The following NBEA variants were observed in gnomAD, a reference collection of about 807,000 sequenced individuals.
NBEA encodes neurobeachin.
Under a neutral mutation model 343.4 loss-of-function variants are expected in NBEA, and 44 were observed. The ratio of observed to expected loss-of-function variants is 0.13; its 90% CI spans 0.10 to 0.16. The LOEUF (loss-of-function observed/expected upper bound fraction) is 0.16. NBEA is among the 10% of genes least tolerant of loss of function. NBEA has a pLI of 1.00. For synonymous variants in NBEA, 1,175 were observed against 1,238.7 expected, an observed-to-expected ratio of 0.95 and a Z score of 1.08; for missense variants, 2,555 against 3,631.3, an observed-to-expected ratio of 0.70 and a Z score of 7.62.
At chr13:35,163,543 A>G (rs954173520) in intron 23 of NBEA, among the ~76,000 whole-genome samples, 1 of 151,492 alleles carries the variant, frequency 6.6e-6, no homozygotes, top group African/African-American at 2.4e-5. Flanking sequence ...TCCTGGGCCC[A>G]GGGAGGTTGA....
chr13:35,566,026 G>A (rs1258066988), intron 44 of NBEA, among the ~76,000 whole-genome samples: 3 of 152,036 alleles, frequency 2.0e-5, no homozygotes, highest in Non-Finnish European at 4.4e-5. Flanking sequence ...ATAGTATTCT[G>A]TGTACTCATA....
At chr13:35,249,151 C>CAAAAAAAAAAAAAAAAAAAAAAA (rs1179922550) in intron 34 of NBEA, among the ~76,000 whole-genome samples, 1 of 49,710 alleles carries the variant, frequency 2.0e-5, no homozygotes. Context: ...CTCCATCTTA[C>CAAAAAAAAAAAAAAAAAAAAAAA]AAAAAAAAAA....
At chr13:35,587,447 A>G (rs981498849) in intron 46 of NBEA, among the ~76,000 whole-genome samples, 1 of 152,110 alleles carries the variant, frequency 6.6e-6, no homozygotes, top group East Asian at 1.9e-4. Context: ...GTCAATGACA[A>G]TCATTGCCTT....
At chr13:35,296,579 G>T (rs1302186352) in intron 35 of NBEA, among the ~76,000 whole-genome samples, 2 of 151,852 alleles carry the variant, frequency 1.3e-5, no homozygotes, top group African/African-American at 4.8e-5. Context: ...CTGACACTAA[G>T]CCCACCTCCC....
chr13:35,205,444 A>T (rs960006809), intron 31 of NBEA, among the ~76,000 whole-genome samples: 1 of 152,102 alleles, frequency 6.6e-6, no homozygotes, highest in African/African-American at 2.4e-5. Context: ...TTGTTTTCTT[A>T]TCAGACTTTC....
rs10717012 is a variant in NBEA, at chr13:35,542,152, ACC to A, written c.6586-8316_6586-8315del. ...TCCCCCAATTGTAGGATGTTTTGAC[ACC>A]CCCCCCCCACCGCATACCCATATGC... On this transcript the variant is annotated intron_variant, in intron 41 of 58. Coordinates refer to ENST00000379939, the MANE Select transcript of NBEA (RefSeq NM_001385012.1). Among the ~76,000 whole-genome samples, 351 of 145,106 alleles carry A rather than the reference ACC, an allele frequency of 2.4e-3. 2 individuals are homozygous for A. The highest frequency in any genetic ancestry group is 7.2e-3 in the African/African-American group (284 of 39,446).
chr13:35,101,948 C>G (rs1479619927), intron 11 of NBEA, among the ~76,000 whole-genome samples: 3 of 151,722 alleles, frequency 2.0e-5, no homozygotes, highest in Non-Finnish European at 4.4e-5. Flanking sequence ...TCTTTTATGA[C>G]TAGCCCATTT....
At chr13:35,099,878 T>A (rs2065549515) in intron 11 of NBEA, among the ~76,000 whole-genome samples, 1 of 152,102 alleles carries the variant, frequency 6.6e-6, no homozygotes, top group Non-Finnish European at 1.5e-5. Flanking sequence ...AAAATTAAAG[T>A]GGGATTTCAT....
At chr13:35,269,474 C>T (rs1223280359) in intron 34 of NBEA, among the ~76,000 whole-genome samples, 3 of 151,936 alleles carry the variant, frequency 2.0e-5, no homozygotes, top group African/African-American at 7.3e-5. Flanking sequence ...ATGCATATTC[C>T]CTCTTACTAC....
intron 25 of NBEA, among the ~76,000 whole-genome samples, chr13:35,169,884 C>T (rs1161928095): frequency 1.3e-5 from 2 of 151,652 alleles, no homozygotes; most frequent in Admixed American, 1.3e-4. Context: ...ATTTTAAAAT[C>T]CAAGTAATGA....
intron 10 of NBEA, among the ~76,000 whole-genome samples, chr13:35,082,415 T>C (rs1236102078): frequency 6.6e-6 from 1 of 152,200 alleles, no homozygotes; most frequent in Non-Finnish European, 1.5e-5. Context: ...TGTTTTATAA[T>C]CCCTTGGATA....
intron 38 of NBEA, among the ~76,000 whole-genome samples, chr13:35,382,662 T>G (rs2042071649): frequency 1.3e-5 from 2 of 152,206 alleles, no homozygotes; most frequent in Admixed American, 1.3e-4. Context: ...TCTCTTCTCA[T>G]TCACTTGTTT....
rs767804100 is a variant in NBEA at position 35,352,368 on chromosome 13, T to G, written c.6179+45T>G. 2.8e-6 allele frequency: 3 copies of G among 1,066,466 alleles called. No individual in the cohort carries two copies. In the East Asian group the frequency reaches 9.0e-5, roughly 32 times the overall value. 66.1% of individuals were successfully genotyped at this position (1,066,466 alleles called of 1,614,324 possible). A position where few individuals can be genotyped will look rare whatever the true frequency, so the allele number is the denominator to read the frequency against. ...AGTAAATAATAATTCATAGGTTAAT[T>G]ATAATAGTTGGTAATAAAAATATGG... On this transcript the variant is annotated intron_variant, in intron 38 of 58. Transcript: ENST00000379939.
chr13:35,333,730 T>C (rs768161386), intron 36 of NBEA, among the ~76,000 whole-genome samples: 21 of 152,142 alleles, frequency 1.4e-4, no homozygotes, highest in Non-Finnish European at 2.4e-4. Flanking sequence ...ATCTTTCTAC[T>C]CTCTGTCTCT....
At chr13:35,244,864 A>G (rs1488267381) in intron 34 of NBEA, among the ~76,000 whole-genome samples, 2 of 151,822 alleles carry the variant, frequency 1.3e-5, no homozygotes, top group East Asian at 1.9e-4. Context: ...TTTTGCAGCT[A>G]TTGTAAAGGG....
chr13:35,069,847 A>C (rs1388790557), intron 8 of NBEA, 61 bp from the exon 9 acceptor site: 1 of 1,228,960 alleles, frequency 8.1e-7, no homozygotes, highest in African/African-American at 1.5e-5. Context: ...CTCTGCTTTA[A>C]AACTTTTGAG....
intron 31 of NBEA, among the ~76,000 whole-genome samples, chr13:35,202,122 G>A (rs1354956716): frequency 1.3e-5 from 2 of 151,960 alleles, no homozygotes; most frequent in South Asian, 2.1e-4. Flanking sequence ...GCCTTGCTAG[G>A]TTTTTACTAT....
chr13:35,027,235 A>T (rs1253145408), intron 1 of NBEA, among the ~76,000 whole-genome samples: 11 of 152,050 alleles, frequency 7.2e-5, no homozygotes, highest in Non-Finnish European at 2.9e-5. Context: ...TGTTGTAGCT[A>T]TGTTTCCGTT....
chr13:35,360,414 G>T (rs1328652707), intron 38 of NBEA, among the ~76,000 whole-genome samples: 5 of 152,000 alleles, frequency 3.3e-5, no homozygotes, highest in African/African-American at 1.2e-4. Context: ...TAAAGAGGAA[G>T]TTAACATGAT....
Sources: gnomAD v4.1 joint callset for allele counts (sites outside exome capture counted in the v4.1 genomes callset) on GRCh38, gnomAD v4.1.1 for gene constraint, MANE v1.5 for transcripts, NCBI Gene and HGNC (gene_info 2026-07-23, HGNC 2026-07-21) for gene names.